Variants in CTNNA3 observed in about 807,000 individuals in gnomAD.
CTNNA3 encodes catenin alpha-3.
Under a neutral mutation model 95.7 loss-of-function variants are expected in CTNNA3, and 76 were observed. That is an observed-to-expected ratio of 0.79 (90% CI 0.66 to 0.96). The LOEUF (loss-of-function observed/expected upper bound fraction) is 0.96, where lower values mean the gene tolerates loss of function less well. Among genes scored for constraint, CTNNA3 ranks in the 40% least tolerant of loss-of-function variants. The pLI is 0.00. For missense variants in CTNNA3, 1,191 were observed against 1,089.8 expected (o/e 1.09, Z -1.31); for synonymous variants, 431 against 374.4 (o/e 1.15, Z -1.74).
intron 11 of CTNNA3, among the ~76,000 whole-genome samples, chr10:66,398,339 T>A (rs1362511943): frequency 1.3e-5 from 2 of 151,906 alleles, no homozygotes; most frequent in Non-Finnish European, 2.9e-5. Flanking sequence ...AGAACAAATT[T>A]TTTGTCTCAT....
rs1343869583 is a variant in CTNNA3, at chr10:66,520,534, G to A, written c.1531+83C>T. ...CCCAAAGTGTTGGCATTACAGGCAT[G>A]AGCCACCATGCCTGTCCCAGTATTA... On this transcript the variant is annotated intron_variant, in intron 11 of 17. Transcript: ENST00000433211. 4 of 1,288,376 alleles carry A rather than the reference G, an allele frequency of 3.1e-6. No individual in the cohort carries two copies. In the East Asian group the frequency reaches 8.4e-5, roughly 27 times the overall value. The allele number at this position is 1,288,376 out of a possible 1,614,324, so 79.8% of individuals were successfully genotyped here.
intron 16 of CTNNA3, among the ~76,000 whole-genome samples, chr10:65,980,354 C>T (rs1002310208): frequency 6.6e-6 from 1 of 151,414 alleles, no homozygotes; most frequent in Non-Finnish European, 1.5e-5. Flanking sequence ...ACAACAACAA[C>T]AAAAAAGTCC....
At chr10:67,038,647 T>C (rs1854211366) in intron 7 of CTNNA3, among the ~76,000 whole-genome samples, 1 of 152,078 alleles carries the variant, frequency 6.6e-6, no homozygotes, top group South Asian at 2.1e-4. Context: ...AACCAAGTAC[T>C]TGTCAACCAA....
rs79764056 is a variant in CTNNA3, at chr10:66,544,828, A to G, written c.1375-24055T>C. 9.9e-3 allele frequency among the ~76,000 whole-genome samples: 1,505 copies of G among 152,252 alleles called. 25 individuals are homozygous for G. Among genetic ancestry groups the G allele is most frequent in the African/African-American group, 0.033 (1,359 of 41,556 alleles). ...AAGAACTTTCTTGCATTTCATGGAA[A>G]AGATAATGCATATTGTGTACTTTTC... On this transcript the variant is annotated intron_variant, in intron 10 of 17. Transcript: ENST00000433211.
chr10:66,906,141 T>C (rs1845979163), intron 7 of CTNNA3, among the ~76,000 whole-genome samples: 1 of 152,178 alleles, frequency 6.6e-6, no homozygotes, highest in African/African-American at 2.4e-5. Context: ...GATGAATAGT[T>C]GACAGGGAAC....
intron 7 of CTNNA3, among the ~76,000 whole-genome samples, chr10:67,174,437 C>G (rs148542493): frequency 6.6e-6 from 1 of 152,096 alleles, no homozygotes; most frequent in South Asian, 2.1e-4. Context: ...ATCTACGTGA[C>G]ACCAAACTTA....
chr10:67,700,090 C>A (rs551782362), upstream of CTNNA3, among the ~76,000 whole-genome samples: 741 of 152,376 alleles, frequency 4.9e-3, 6 homozygotes, highest in Middle Eastern at 0.024. Flanking sequence ...CGCCATTGCC[C>A]AGGCTTGCTT....
At chr10:67,073,067 A>T (rs1172773247) in intron 7 of CTNNA3, among the ~76,000 whole-genome samples, 2 of 152,150 alleles carry the variant, frequency 1.3e-5, no homozygotes, top group Non-Finnish European at 2.9e-5. Context: ...CTCAGACCAC[A>T]CTCAGAATAA....
chr10:67,562,717 C>T (rs1055630264), intron 3 of CTNNA3, among the ~76,000 whole-genome samples: 7 of 152,150 alleles, frequency 4.6e-5, no homozygotes, highest in Admixed American at 6.5e-5. Flanking sequence ...TTGCAGATAA[C>T]GTGATAGTAT....
chr10:66,317,472 GACCAGCCTGGCCAACATAGTGAA>G (rs1320821701), intron 12 of CTNNA3, among the ~76,000 whole-genome samples: 3 of 152,016 alleles, frequency 2.0e-5, no homozygotes, highest in Non-Finnish European at 4.4e-5. Flanking sequence ...AGGAGTTCAA[GACCAGCCTGGCCAACATAGTGAA>G]ACCCCGTCTT....
intron 13 of CTNNA3, among the ~76,000 whole-genome samples, chr10:66,146,822 A>G (rs1380228052): frequency 6.6e-6 from 1 of 152,088 alleles, no homozygotes; most frequent in Non-Finnish European, 1.5e-5. Context: ...TTCCCAAAGT[A>G]TTGGGATTAC....
chr10:67,007,678 CCCA>C (rs1304970828), intron 7 of CTNNA3, among the ~76,000 whole-genome samples: 1 of 151,768 alleles, frequency 6.6e-6, no homozygotes, highest in African/African-American at 2.4e-5. Context: ...CTCAACATTT[CCCA>C]CCATTTTAAA....
At chr10:66,260,095 G>T (rs1337190728) in intron 13 of CTNNA3, among the ~76,000 whole-genome samples, 1 of 152,056 alleles carries the variant, frequency 6.6e-6, no homozygotes, top group Admixed American at 6.6e-5. Context: ...ATGAGTTGTT[G>T]CCTGAAGTCC....
chr10:66,075,458 T>A (rs2080532245), intron 14 of CTNNA3, among the ~76,000 whole-genome samples: 1 of 151,760 alleles, frequency 6.6e-6, no homozygotes, highest in African/African-American at 2.4e-5. Flanking sequence ...TAAACAATTG[T>A]ACCTGGAATA....
intron 11 of CTNNA3, among the ~76,000 whole-genome samples, chr10:66,464,767 T>C (rs4746596): frequency 7.2e-6 from 1 of 137,976 alleles, no homozygotes; most frequent in South Asian, 2.2e-4. Flanking sequence ...TCTCAAAAAA[T>C]AAAAAAAAAA....
chr10:67,336,091 A>G (rs887093403), intron 5 of CTNNA3, among the ~76,000 whole-genome samples: 2 of 152,072 alleles, frequency 1.3e-5, no homozygotes, highest in Non-Finnish European at 2.9e-5. Context: ...CATGAACAGC[A>G]CCCATAAAAG....
In CTNNA3 at chr10:67,285,366, G is replaced by A. The variant is rs555059372; in HGVS notation, c.580-65496C>T. 6.6e-5 allele frequency among the ~76,000 whole-genome samples: 10 copies of A among 152,226 alleles called. No individual in the cohort carries two copies. The East Asian group carries it at 1.9e-3, about 29-fold the overall frequency. ...TAAGGAAATAGACGGCTAGAGAACTGCCCAAAGTCACTTAGCTAGCAGAGA... is the reference window on the plus strand; with the variant it reads ...TAAGGAAATAGACGGCTAGAGAACTACCCAAAGTCACTTAGCTAGCAGAGA... On this transcript the variant is annotated intron_variant, in intron 5 of 17. Coordinates refer to ENST00000433211, the MANE Select transcript of CTNNA3 (RefSeq NM_013266.4).
At chr10:66,543,256 C>G (rs1378658131) in intron 10 of CTNNA3, among the ~76,000 whole-genome samples, 1 of 152,028 alleles carries the variant, frequency 6.6e-6, no homozygotes, top group African/African-American at 2.4e-5. Context: ...CTGAGCCCGG[C>G]TAATTTTTGT....
chr10:66,741,501 G>C (rs1012646403), intron 9 of CTNNA3, among the ~76,000 whole-genome samples: 3 of 152,216 alleles, frequency 2.0e-5, no homozygotes, highest in Middle Eastern at 3.4e-3. Context: ...CTGACGGCTG[G>C]GAAAACACAA....
Sources: gnomAD v4.1 joint callset for allele counts (sites outside exome capture counted in the v4.1 genomes callset) on GRCh38, gnomAD v4.1.1 for gene constraint, MANE v1.5 for transcripts, NCBI Gene and HGNC (gene_info 2026-07-23, HGNC 2026-07-21) for gene names.